The following SYN3 variants were observed in gnomAD, a reference collection of about 807,000 sequenced individuals.
The protein encoded by SYN3 is synapsin-3.
SYN3 carries 35 observed loss-of-function variants against 65.8 expected under a neutral mutation model. That is an observed-to-expected ratio of 0.53 (90% CI 0.41 to 0.70). SYN3 has a LOEUF of 0.70. Ranked by LOEUF, SYN3 falls within the 30% of genes least tolerant of loss-of-function variation. The pLI, the probability that SYN3 is intolerant of heterozygous loss-of-function variation, is 0.00. For missense variants in SYN3, 680 were observed against 749.0 expected (o/e 0.91, Z 1.08); for synonymous variants, 270 against 292.9 (o/e 0.92, Z 0.80).
chr22:33,006,366 ATCATC>A lies in SYN3; in HGVS notation c.292_296del (p.Asp98CysfsTer19). 6.2e-7 allele frequency: 1 copy of A among 1,612,704 alleles called. No individual in the cohort carries two copies. The highest frequency in any genetic ancestry group is 8.5e-7 in the Non-Finnish European group (1 of 1,179,128). On this transcript the variant is annotated frameshift_variant, in exon 2 of 14. Coordinates refer to ENST00000358763, the MANE Select transcript of SYN3 (RefSeq NM_003490.4). LOFTEE classifies it high-confidence loss of function. ...TTCCTACTTACCAGTCTGTATGGGC[ATCATC>A]GATCACCAACAGGATCCTGGGTCTT...
chr22:32,631,620 C>T (rs1046206128), intron 6 of SYN3, among the ~76,000 whole-genome samples: 1 of 152,208 alleles, frequency 6.6e-6, no homozygotes, highest in African/African-American at 2.4e-5. Flanking sequence ...TGTGTCTTTC[C>T]TAAGGTTGCA....
chr22:33,008,295 A>G (rs76097966), intron 1 of SYN3, among the ~76,000 whole-genome samples: 2,078 of 152,216 alleles, frequency 0.014, 52 homozygotes, highest in African/African-American at 0.048. Context: ...TTAGGTATAC[A>G]CTTCTTTGAG....
At chr22:32,764,851 C>T (rs1389271238) in intron 6 of SYN3, among the ~76,000 whole-genome samples, 1 of 152,158 alleles carries the variant, frequency 6.6e-6, no homozygotes, top group Non-Finnish European at 1.5e-5. Context: ...GCCATCTGTC[C>T]TCATTCTGAT....
At chr22:32,882,244 G>C (rs1220135687) in intron 4 of SYN3, among the ~76,000 whole-genome samples, 1 of 152,120 alleles carries the variant, frequency 6.6e-6, no homozygotes, top group Non-Finnish European at 1.5e-5. Flanking sequence ...CCACATCAGA[G>C]GGTTTCCTCA....
chr22:32,554,619 G>A (rs1045101566), intron 7 of SYN3, among the ~76,000 whole-genome samples: 15 of 152,098 alleles, frequency 9.9e-5, no homozygotes, highest in Non-Finnish European at 1.5e-4. Context: ...TCGTACCCCT[G>A]CTTTCTTTAA....
At chr22:32,909,571 AG>A (rs2049993965) in intron 4 of SYN3, among the ~76,000 whole-genome samples, 1 of 152,182 alleles carries the variant, frequency 6.6e-6, no homozygotes, top group South Asian at 2.1e-4. Flanking sequence ...GTCTTCATCC[AG>A]TTTTTAAAAG....
chr22:32,558,485 C>T (rs1198014314), intron 7 of SYN3, among the ~76,000 whole-genome samples: 1 of 152,208 alleles, frequency 6.6e-6, no homozygotes, highest in Non-Finnish European at 1.5e-5. Context: ...AATTCAGAAC[C>T]CCATGATCTG....
intron 6 of SYN3, among the ~76,000 whole-genome samples, chr22:32,659,227 G>C: frequency 6.6e-6 from 1 of 152,218 alleles, no homozygotes; most frequent in South Asian, 2.1e-4. Context: ...TTTTATCTAA[G>C]AAGCAATAGG....
chr22:32,764,799 ATGTG>A (rs1335584713), intron 6 of SYN3, among the ~76,000 whole-genome samples: 1 of 152,162 alleles, frequency 6.6e-6, no homozygotes, highest in Non-Finnish European at 1.5e-5. Flanking sequence ...TGAAGTTCAC[ATGTG>A]TGAACATTGC....
intron 4 of SYN3, among the ~76,000 whole-genome samples, chr22:32,901,968 G>A (rs1265936012): frequency 6.6e-6 from 1 of 152,226 alleles, no homozygotes; most frequent in Non-Finnish European, 1.5e-5. Context: ...GAGGAGAGCA[G>A]AGCCCCTCTT....
At chr22:32,894,105 C>T (rs1231292176) in intron 4 of SYN3, among the ~76,000 whole-genome samples, 1 of 152,196 alleles carries the variant, frequency 6.6e-6, no homozygotes, top group Admixed American at 6.5e-5. Flanking sequence ...CATTTATCCT[C>T]TGAAAGTCTT....
intron 3 of SYN3, among the ~76,000 whole-genome samples, chr22:32,956,344 C>T (rs543471654): frequency 2.0e-4 from 31 of 151,968 alleles, no homozygotes; most frequent in Non-Finnish European, 3.7e-4. Context: ...TTAGTAGAGA[C>T]AGTGTTTCAC....
rs185548852 is a variant in SYN3 at position 33,036,857 on chromosome 22, A to G, written c.-163+21435T>C. 2.5e-3 allele frequency among the ~76,000 whole-genome samples: 385 copies of G among 151,952 alleles called. 1 individual carries two copies. The highest frequency in any genetic ancestry group is 3.0e-3 in the Non-Finnish European group (207 of 67,970). On this transcript the variant is annotated intron_variant, in intron 1 of 13. Coordinates refer to ENST00000358763, the MANE Select transcript of SYN3 (RefSeq NM_003490.4). Reference sequence around the variant, plus strand: ...CAAGTATGCACCACCACACCAGGCTAATTTTGTATTTTTAGTAGAGACGGG... The same window carrying G: ...CAAGTATGCACCACCACACCAGGCTGATTTTGTATTTTTAGTAGAGACGGG...
chr22:32,850,833 C>T (rs941512250), intron 6 of SYN3, among the ~76,000 whole-genome samples: 1 of 152,146 alleles, frequency 6.6e-6, no homozygotes, highest in African/African-American at 2.4e-5. Flanking sequence ...GGAGACAAGC[C>T]GCAATGTCCA....
chr22:32,525,145 T>C (rs2057955054), intron 12 of SYN3, among the ~76,000 whole-genome samples: 1 of 152,212 alleles, frequency 6.6e-6, no homozygotes, highest in Admixed American at 6.5e-5. Flanking sequence ...ATATTTGGGA[T>C]TCATAGGAGG....
At chr22:32,623,310 C>T (rs960641508) in intron 6 of SYN3, among the ~76,000 whole-genome samples, 1 of 151,958 alleles carries the variant, frequency 6.6e-6, no homozygotes. Context: ...CCTTGGTCTC[C>T]GTAGTAGGCC....
At chr22:32,757,516 C>CT (rs2045330886) in intron 6 of SYN3, among the ~76,000 whole-genome samples, 1 of 152,014 alleles carries the variant, frequency 6.6e-6, no homozygotes, top group South Asian at 2.1e-4. Context: ...AGGCTGGTCT[C>CT]TAACTCCTGA....
At chr22:32,569,641 T>C (rs1049621293) in intron 7 of SYN3, among the ~76,000 whole-genome samples, 5 of 151,748 alleles carry the variant, frequency 3.3e-5, no homozygotes, top group Admixed American at 1.3e-4. Context: ...CATAAGAGTT[T>C]TAAAAATACG....
At chr22:32,590,227 A>C (rs993031462) in intron 7 of SYN3, among the ~76,000 whole-genome samples, 32 of 152,218 alleles carry the variant, frequency 2.1e-4, no homozygotes, top group African/African-American at 6.5e-4. Context: ...TCTATCACCT[A>C]AATATGTATA....
Sources: gnomAD v4.1 joint callset for allele counts (sites outside exome capture counted in the v4.1 genomes callset) on GRCh38, gnomAD v4.1.1 for gene constraint, MANE v1.5 for transcripts, NCBI Gene and HGNC (gene_info 2026-07-23, HGNC 2026-07-21) for gene names.